Variants in GRID2 observed in about 807,000 individuals in gnomAD.
The protein encoded by GRID2 is glutamate receptor ionotropic, delta-2.
Under a neutral mutation model 114.8 loss-of-function variants are expected in GRID2, and 33 were observed. The observed-to-expected ratio is 0.29, with a 90% CI of 0.22 to 0.38. The LOEUF (loss-of-function observed/expected upper bound fraction) is 0.38, where lower values mean the gene tolerates loss of function less well. Among genes scored for constraint, GRID2 ranks in the 10% least tolerant of loss-of-function variants. The pLI is 1.00. For synonymous variants in GRID2, 505 were observed against 449.9 expected (o/e 1.12, Z -1.55); for missense variants, 1,184 against 1,257.7 (o/e 0.94, Z 0.89).
rs993058406 is a variant in GRID2 at position 92,558,449 on chromosome 4, C to T, written c.89-31682C>T. On this transcript the variant is annotated intron_variant, in intron 1 of 15. Transcript: ENST00000282020. ...TTTTTCTTTCATAGAAAAAGAAGCACTATTTTTCTTACAGTAAATGCAAGA... is the reference window on the plus strand; with the variant it reads ...TTTTTCTTTCATAGAAAAAGAAGCATTATTTTTCTTACAGTAAATGCAAGA... 2.0e-5 allele frequency among the ~76,000 whole-genome samples: 3 copies of T among 152,246 alleles called. No individual in the cohort carries two copies. In the South Asian group the frequency reaches 6.2e-4, roughly 32 times the overall value.
intron 2 of GRID2, among the ~76,000 whole-genome samples, chr4:92,917,658 G>A (rs1310433674): frequency 6.6e-6 from 1 of 152,088 alleles, no homozygotes; most frequent in Non-Finnish European, 1.5e-5. Flanking sequence ...TCAGATAGTT[G>A]TAGATATGTG....
chr4:92,709,325 A>C (rs371712828), intron 2 of GRID2, among the ~76,000 whole-genome samples: 8 of 152,098 alleles, frequency 5.3e-5, no homozygotes, highest in Non-Finnish European at 1.0e-4. Context: ...GTAAATATTT[A>C]ATAACAACAT....
intron 1 of GRID2, among the ~76,000 whole-genome samples, chr4:92,383,942 C>T (rs1729739698): frequency 6.6e-6 from 1 of 151,864 alleles, no homozygotes; most frequent in Admixed American, 6.6e-5. Context: ...AAATTCTTGT[C>T]TCTTAATGGT....
At chr4:92,869,181 G>T (rs1303235314) in intron 2 of GRID2, among the ~76,000 whole-genome samples, 2 of 152,130 alleles carry the variant, frequency 1.3e-5, no homozygotes, top group Non-Finnish European at 2.9e-5. Flanking sequence ...CCCGCTTACA[G>T]TAATTACAGC....
At chr4:92,808,790 T>A (rs2149377429) in intron 2 of GRID2, among the ~76,000 whole-genome samples, 1 of 147,526 alleles carries the variant, frequency 6.8e-6, no homozygotes, top group Non-Finnish European at 1.5e-5. Flanking sequence ...GATCGTGAAT[T>A]TTTTTTTTTT....
intron 1 of GRID2, among the ~76,000 whole-genome samples, chr4:92,326,756 G>T (rs1579184680): frequency 6.6e-6 from 1 of 151,904 alleles, no homozygotes; most frequent in Non-Finnish European, 1.5e-5. Context: ...AGGAGATAAA[G>T]GAAGTTAAAC....
At chr4:92,589,565 A>G (rs991906612) in intron 1 of GRID2, among the ~76,000 whole-genome samples, 1 of 152,230 alleles carries the variant, frequency 6.6e-6, no homozygotes, top group African/African-American at 2.4e-5. Flanking sequence ...ATATTTATCC[A>G]TTCCCTCTGC....
intron 14 of GRID2, among the ~76,000 whole-genome samples, chr4:93,738,772 A>G (rs1578703393): frequency 6.6e-6 from 1 of 152,100 alleles, no homozygotes; most frequent in African/African-American, 2.4e-5. Flanking sequence ...GACAGGTAAC[A>G]GATTATTAGA....
At chr4:92,650,080 A>C (rs1300728397) in intron 2 of GRID2, among the ~76,000 whole-genome samples, 1 of 152,054 alleles carries the variant, frequency 6.6e-6, no homozygotes, top group Non-Finnish European at 1.5e-5. Flanking sequence ...TAATGTTATG[A>C]GGTCAATATC....
intron 1 of GRID2, among the ~76,000 whole-genome samples, chr4:92,328,321 C>G (rs1431956181): frequency 6.6e-6 from 1 of 151,956 alleles, no homozygotes; most frequent in South Asian, 2.1e-4. Context: ...GATATGTGGA[C>G]TTTATCACTA....
At chr4:92,894,811 C>T (rs996094301) in intron 2 of GRID2, among the ~76,000 whole-genome samples, 11 of 152,060 alleles carry the variant, frequency 7.2e-5, no homozygotes, top group Admixed American at 6.6e-4. Context: ...GGCCATAAGC[C>T]TGTTTCCCTC....
In GRID2 at chr4:93,155,539, C is replaced by T. The variant is rs138227907; in HGVS notation, c.735+44586C>T. ...CTGAACTAAGCCGACATTTCCTATA[C>T]TCTAAGCCACTTTATCCAGTAAAAC... is the stretch of plus-strand genomic sequence containing the variant. On this transcript the variant is annotated intron_variant, in intron 4 of 15. Coordinates refer to ENST00000282020, the MANE Select transcript of GRID2 (RefSeq NM_001510.4). Among the ~76,000 whole-genome samples, 16 of 152,078 alleles carry T rather than the reference C, an allele frequency of 1.1e-4. No homozygotes were observed. The East Asian group carries it at 3.1e-3, about 29-fold the overall frequency.
chr4:93,256,050 C>G (rs1241499471), intron 8 of GRID2, among the ~76,000 whole-genome samples: 1 of 151,952 alleles, frequency 6.6e-6, no homozygotes, highest in African/African-American at 2.4e-5. Context: ...TCTTGAAAAC[C>G]CTGATTGCTG....
intron 1 of GRID2, among the ~76,000 whole-genome samples, chr4:92,505,618 A>G (rs2149127207): frequency 6.6e-6 from 1 of 152,034 alleles, no homozygotes; most frequent in South Asian, 2.1e-4. Flanking sequence ...GGAGTGGAGG[A>G]GAGGGAGTTG....
intron 14 of GRID2, among the ~76,000 whole-genome samples, chr4:93,695,189 A>AT (rs397942308): frequency 6.9e-5 from 10 of 145,588 alleles, no homozygotes; most frequent in African/African-American, 2.5e-4. Flanking sequence ...AAAAAAAAAA[A>AT]TGGTTACTGA....
intron 1 of GRID2, among the ~76,000 whole-genome samples, chr4:93,799,780 C>T (rs1734886072): frequency 6.6e-6 from 1 of 152,092 alleles, no homozygotes; most frequent in Admixed American, 6.6e-5. Context: ...TGAATTCACT[C>T]AACTAATTTC....
intron 2 of GRID2, among the ~76,000 whole-genome samples, chr4:92,726,523 G>C (rs982679917): frequency 1.3e-5 from 2 of 151,962 alleles, no homozygotes. Flanking sequence ...AAATTCTTTT[G>C]TTATGCATTG....
At position 93,799,145 on chromosome 4, in the gene GRID2, C is replaced by T. The variant is rs1339413143; in HGVS notation, c.222-7570C>T. ...AATAGGATCTATTAATAATTTATGC[C>T]TCAGTATTATTGTGGCTAGAAATCG... On this transcript the variant is annotated intron_variant, in intron 1 of 1. Coordinates refer to the GRID2 transcript ENST00000637838. 3.3e-5 allele frequency among the ~76,000 whole-genome samples: 5 copies of T among 152,112 alleles called. No individual in the cohort carries two copies. The East Asian group carries it at 9.6e-4, about 29-fold the overall frequency.
intron 14 of GRID2, among the ~76,000 whole-genome samples, chr4:93,762,756 G>A (rs1379241855): frequency 6.6e-6 from 1 of 152,044 alleles, no homozygotes; most frequent in African/African-American, 2.4e-5. Flanking sequence ...AGAGCAGCAG[G>A]GTCAGGAAAA....
Sources: allele counts gnomAD v4.1 joint callset (sites outside exome capture counted in the v4.1 genomes callset), GRCh38; gene constraint gnomAD v4.1.1; transcripts MANE v1.5; gene names NCBI Gene and HGNC (gene_info 2026-07-23, HGNC 2026-07-21).